The following RASAL2 variants were observed in gnomAD, a reference collection of about 807,000 sequenced individuals.
RASAL2 encodes ras GTPase-activating protein nGAP.
In RASAL2, 58 loss-of-function variants were observed where a neutral mutation model predicts 128.9. The observed-to-expected ratio is 0.45, with a 90% CI of 0.36 to 0.56. The LOEUF is 0.56. Ranked by LOEUF, RASAL2 falls within the 20% of genes least tolerant of loss-of-function variation. RASAL2 has a pLI of 0.00. For missense variants in RASAL2, 1,360 were observed against 1,601.6 expected, an observed-to-expected ratio of 0.85 and a Z score of 2.57; for synonymous variants, 561 against 580.8, an observed-to-expected ratio of 0.97 and a Z score of 0.49.
chr1:178,224,199 G>A (rs1462485647), intron 1 of RASAL2, among the ~76,000 whole-genome samples: 1 of 151,256 alleles, frequency 6.6e-6, no homozygotes, highest in Non-Finnish European at 1.5e-5. Context: ...TCAGAAGTGT[G>A]ATCAGAGGTT....
At chr1:178,448,565 G>A (rs1331945476) in intron 9 of RASAL2, among the ~76,000 whole-genome samples, 1 of 151,628 alleles carries the variant, frequency 6.6e-6, no homozygotes, top group African/African-American at 2.4e-5. Flanking sequence ...GTACAAAGAG[G>A]TTTATAGTGT....
intron 1 of RASAL2, among the ~76,000 whole-genome samples, chr1:178,147,838 G>C (rs948632143): frequency 2.0e-5 from 3 of 152,164 alleles, no homozygotes; most frequent in African/African-American, 7.2e-5. Flanking sequence ...GGGAGGCCAA[G>C]GTGGGTGGAT....
At chr1:178,231,942 A>G (rs561793625) in intron 1 of RASAL2, among the ~76,000 whole-genome samples, 1 of 152,346 alleles carries the variant, frequency 6.6e-6, no homozygotes, top group South Asian at 2.1e-4. Context: ...GTTGATGATA[A>G]TAGTGATAAA....
intron 1 of RASAL2, among the ~76,000 whole-genome samples, chr1:178,172,932 T>A (rs1161333638): frequency 2.0e-5 from 3 of 152,136 alleles, no homozygotes; most frequent in African/African-American, 4.8e-5. Context: ...GTAATTGCAT[T>A]CCTAGAAATT....
chr1:178,189,297 C>A (rs1227920086), intron 1 of RASAL2, among the ~76,000 whole-genome samples: 3 of 152,102 alleles, frequency 2.0e-5, no homozygotes, highest in African/African-American at 7.2e-5. Flanking sequence ...CCAATTCTTG[C>A]TACATTAGTG....
At position 178,471,813 on chromosome 1, in the gene RASAL2, G is replaced by C. The variant is rs768882096; in HGVS notation, c.3679-1262G>C. Among the ~76,000 whole-genome samples, 51 of 152,106 alleles carry C rather than the reference G, an allele frequency of 3.4e-4. 1 individual carries two copies. Among genetic ancestry groups the C allele is most frequent in the Non-Finnish European group, 4.3e-4 (29 of 68,016 alleles). ...TGCTCCCAGTAGCATGTGTCCCAAAGTGTAGCACTACATGACAGCCCTGGG... is the reference window on the plus strand; with the variant it reads ...TGCTCCCAGTAGCATGTGTCCCAAACTGTAGCACTACATGACAGCCCTGGG... On this transcript the variant is annotated intron_variant, in intron 17 of 17. Coordinates refer to ENST00000367649, the MANE Select transcript of RASAL2 (RefSeq NM_170692.4).
chr1:178,314,779 C>CTTTA (rs1036895372), intron 3 of RASAL2, among the ~76,000 whole-genome samples: 1 of 152,018 alleles, frequency 6.6e-6, no homozygotes, highest in South Asian at 2.1e-4. Flanking sequence ...CTTCCTCTCA[C>CTTTA]TTTATTTATT....
intron 1 of RASAL2, among the ~76,000 whole-genome samples, chr1:178,181,775 C>G (rs1050615235): frequency 4.7e-5 from 7 of 149,518 alleles, no homozygotes; most frequent in African/African-American, 1.7e-4. Context: ...CTGGGATTTG[C>G]AGTTTTTTTT....
chr1:178,454,717 T>A, intron 12 of RASAL2, 69 bp downstream of exon 12: 1 of 1,321,102 alleles, frequency 7.6e-7, no homozygotes, highest in East Asian at 2.3e-5. Context: ...TATAGAGTGA[T>A]AGCACTCACT....
intron 2 of RASAL2, among the ~76,000 whole-genome samples, chr1:178,292,959 C>T (rs1406746477): frequency 6.6e-6 from 1 of 152,034 alleles, no homozygotes; most frequent in African/African-American, 2.4e-5. Context: ...AAACATTTTT[C>T]TTTTGAAAGT....
At chr1:178,388,596 T>C (rs950135694) in intron 3 of RASAL2, among the ~76,000 whole-genome samples, 4 of 152,230 alleles carry the variant, frequency 2.6e-5, no homozygotes, top group African/African-American at 7.2e-5. Context: ...CCAATTTGGC[T>C]TGTGCCTTAC....
chr1:178,308,758 C>T (rs1006780859), intron 3 of RASAL2, among the ~76,000 whole-genome samples: 2 of 151,792 alleles, frequency 1.3e-5, no homozygotes, highest in African/African-American at 4.8e-5. Flanking sequence ...CTATGTTGCT[C>T]ATGCTGGGAA....
intron 5 of RASAL2, among the ~76,000 whole-genome samples, chr1:178,435,091 A>G (rs559342331): frequency 3.3e-4 from 50 of 152,142 alleles, no homozygotes; most frequent in African/African-American, 1.2e-3. Context: ...TGGCTGAGCT[A>G]TCTCATCAGG....
At chr1:178,376,226 C>G (rs570089771) in intron 3 of RASAL2, among the ~76,000 whole-genome samples, 1 of 152,166 alleles carries the variant, frequency 6.6e-6, no homozygotes, top group East Asian at 1.9e-4. Flanking sequence ...ATGTAAGAGA[C>G]TGTTGATAAC....
chr1:178,424,218 GT>G (rs74384566), intron 5 of RASAL2, among the ~76,000 whole-genome samples: 91 of 142,058 alleles, frequency 6.4e-4, no homozygotes, highest in African/African-American at 1.0e-3. Context: ...AAGTGTTGTG[GT>G]TTTTTTTTTT....
At chr1:178,347,043 C>G (rs947072241) in intron 3 of RASAL2, among the ~76,000 whole-genome samples, 5 of 151,990 alleles carry the variant, frequency 3.3e-5, no homozygotes, top group Non-Finnish European at 5.9e-5. Context: ...AAACCAGAAG[C>G]CAGGCTTTCA....
chr1:178,287,240 A>G (rs1225994691), intron 2 of RASAL2, among the ~76,000 whole-genome samples: 2 of 151,650 alleles, frequency 1.3e-5, no homozygotes, highest in Non-Finnish European at 2.9e-5. Context: ...TACACATACC[A>G]TGCTGCCTGG....
At chr1:178,180,674 C>CACACACACAA (rs1403584582) in intron 1 of RASAL2, among the ~76,000 whole-genome samples, 1 of 150,996 alleles carries the variant, frequency 6.6e-6, no homozygotes. Flanking sequence ...CACACACACA[C>CACACACACAA]ACACACACAC....
intron 3 of RASAL2, among the ~76,000 whole-genome samples, chr1:178,332,339 T>C (rs1669362316): frequency 2.0e-5 from 3 of 151,786 alleles, no homozygotes; most frequent in Admixed American, 2.0e-4. Context: ...TCGTCTCTAC[T>C]AAAATCACAC....
Sources: allele counts gnomAD v4.1 joint callset (sites outside exome capture counted in the v4.1 genomes callset), GRCh38; gene constraint gnomAD v4.1.1; transcripts MANE v1.5; gene names NCBI Gene and HGNC (gene_info 2026-07-23, HGNC 2026-07-21).